Variants in DDX60L observed in about 807,000 individuals in gnomAD.
DDX60L encodes the protein DExD/H-box 60 like.
DDX60L carries 191 observed loss-of-function variants against 211.6 expected under a neutral mutation model. The ratio of observed to expected loss-of-function variants is 0.90; its 90% CI spans 0.80 to 1.02. The LOEUF is 1.02. DDX60L is among the 50% of genes least tolerant of loss of function. The pLI is 0.00. For missense variants in DDX60L, 2,007 were observed against 1,984.1 expected, an observed-to-expected ratio of 1.01 and a Z score of -0.22; for synonymous variants, 706 against 694.1, an observed-to-expected ratio of 1.02 and a Z score of -0.27.
At chr4:168,409,106 C>A (rs1322016932) in intron 22 of DDX60L, among the ~76,000 whole-genome samples, 1 of 152,164 alleles carries the variant, frequency 6.6e-6, no homozygotes, top group East Asian at 1.9e-4. Flanking sequence ...TAAATGCACA[C>A]CTCACAAATT....
intron 22 of DDX60L, among the ~76,000 whole-genome samples, chr4:168,407,407 T>C (rs1747934640): frequency 2.0e-5 from 3 of 152,216 alleles, no homozygotes; most frequent in Admixed American, 6.5e-5. Context: ...CCTGTCCTCA[T>C]AGCCTTTGTG....
chr4:168,382,192 ATC>A (rs1743085497), intron 30 of DDX60L, among the ~76,000 whole-genome samples: 1 of 152,178 alleles, frequency 6.6e-6, no homozygotes, highest in Non-Finnish European at 1.5e-5. Context: ...ATGGGGTTAC[ATC>A]CCCCAAAATT....
At chr4:168,422,031 C>G in intron 16 of DDX60L, 122 bp from the exon 17 acceptor site, 1 of 1,204,088 alleles carries the variant, frequency 8.3e-7, no homozygotes, top group Non-Finnish European at 1.2e-6. Context: ...GGGGAACTCC[C>G]TGAACCCCTG....
chr4:168,422,041 G>A, intron 16 of DDX60L, 132 bp from the exon 17 acceptor site: 2 of 1,096,132 alleles, frequency 1.8e-6, no homozygotes, highest in Non-Finnish European at 2.6e-6. Context: ...CTGAACCCCT[G>A]AAGATTAGGT....
In DDX60L at chr4:168,403,981, C is replaced by CA. The variant is rs757771764; in HGVS notation, c.3338dup (p.Leu1113PhefsTer3). ...AGATAAATTAAGTTTCAGTTACTTACAAAAAAAATATTGCAGGCAACTTAT... is the reference window on the plus strand; with the variant it reads ...AGATAAATTAAGTTTCAGTTACTTACAAAAAAAAATATTGCAGGCAACTTAT... On this transcript the variant is annotated frameshift_variant and splice_region_variant. Coordinates refer to ENST00000682922, the MANE Select transcript of DDX60L (RefSeq NM_001012967.3). LOFTEE classifies it high-confidence loss of function. 1.3e-4 allele frequency: 181 copies of CA among 1,441,006 alleles called. No homozygotes were observed. The highest frequency in any genetic ancestry group is 2.6e-4 in the South Asian group (17 of 66,652). The allele number at this position is 1,441,006 out of a possible 1,614,324, so 89.3% of individuals were successfully genotyped here.
chr4:168,357,878 A>G lies in DDX60L; in HGVS notation c.*269T>C. On this transcript the variant is annotated 3_prime_UTR_variant, in exon 38 of 38. Coordinates refer to ENST00000682922, the MANE Select transcript of DDX60L (RefSeq NM_001012967.3). ...GTTCATTAAGTCACCACCCAATCCC[A>G]ATCACTTTTCTTACATTATCTCATT... is the stretch of plus-strand genomic sequence containing the variant. 1 of 285,482 alleles carries G rather than the reference A, an allele frequency of 3.5e-6. No homozygotes were observed. Among genetic ancestry groups the G allele is most frequent in the Non-Finnish European group, 6.5e-6 (1 of 153,734 alleles). 17.7% of individuals were successfully genotyped at this position (285,482 alleles called of 1,614,324 possible).
At chr4:168,362,803 G>A (rs1472750108) in intron 36 of DDX60L, among the ~76,000 whole-genome samples, 1 of 152,146 alleles carries the variant, frequency 6.6e-6, no homozygotes, top group African/African-American at 2.4e-5. Flanking sequence ...AAGGAATTAA[G>A]AAACCATATA....
intron 22 of DDX60L, among the ~76,000 whole-genome samples, chr4:168,411,332 C>T (rs1025546478): frequency 2.6e-5 from 4 of 152,214 alleles, no homozygotes; most frequent in Admixed American, 6.5e-5. Context: ...GCAGGAAAGA[C>T]AGTGTCGACC....
intron 22 of DDX60L, among the ~76,000 whole-genome samples, chr4:168,414,384 T>C (rs1224632076): frequency 2.0e-5 from 3 of 151,932 alleles, no homozygotes; most frequent in Non-Finnish European, 2.9e-5. Flanking sequence ...AATGAACCTA[T>C]CACAAATTAC....
At chr4:168,401,785 G>A (rs1306986695) in intron 25 of DDX60L, among the ~76,000 whole-genome samples, 1 of 152,186 alleles carries the variant, frequency 6.6e-6, no homozygotes, top group Non-Finnish European at 1.5e-5. Context: ...ACTTCGAAAA[G>A]AAATCCTATT....
At position 168,432,452 on chromosome 4, in the gene DDX60L, C is replaced by A; in HGVS notation, c.1516+3G>T. 4 of 1,542,008 alleles carry A rather than the reference C, an allele frequency of 2.6e-6. No homozygotes were observed. Among genetic ancestry groups the A allele is most frequent in the South Asian group, 2.5e-5 (2 of 80,104 alleles). ...TCTATTTTATCGTGGTTACAGAGCT[C>A]ACCATCAACATGACATTTGATCCTG... On this transcript the variant is annotated splice_donor_region_variant and intron_variant, in intron 12 of 37. Coordinates refer to ENST00000682922, the MANE Select transcript of DDX60L (RefSeq NM_001012967.3).
chr4:168,368,379 C>G (rs1740363376), intron 36 of DDX60L, among the ~76,000 whole-genome samples: 1 of 152,214 alleles, frequency 6.6e-6, no homozygotes, highest in African/African-American at 2.4e-5. Context: ...TGCAGGTGCA[C>G]AGAAGTCAAT....
chr4:168,379,820 A>G lies in DDX60L; in HGVS notation c.4127T>C (p.Val1376Ala). ...PEDAKAKVLS[V>A]LKHSLLSFKR... ...AAAAGACAGCAATGAATGCTTTAGC[A>G]CTGACAACACCTATAAAAGAAGAGT... The change falls in exon 31 of 38, where the codon GTG (valine) becomes GCG (alanine). Residue 1376 changes from valine to alanine, a missense_variant. By Grantham distance (64) the Val-to-Ala change is moderately conservative. Coordinates refer to ENST00000682922, the MANE Select transcript of DDX60L (RefSeq NM_001012967.3). The G allele has an allele frequency of 1.9e-6, 3 of 1,607,532 alleles. No individual in the cohort carries two copies. Among genetic ancestry groups the G allele is most frequent in the Non-Finnish European group, 2.6e-6 (3 of 1,176,366 alleles).
chr4:168,395,796 C>T (rs960002959), intron 27 of DDX60L, 163 bp downstream of exon 27: 1 of 582,848 alleles, frequency 1.7e-6, no homozygotes, highest in Non-Finnish European at 3.0e-6. Context: ...AACTTTAGCA[C>T]ATTAAATTGG....
At chr4:168,437,349 T>C (rs1579637912) in intron 10 of DDX60L, among the ~76,000 whole-genome samples, 2 of 152,070 alleles carry the variant, frequency 1.3e-5, no homozygotes, top group East Asian at 3.9e-4. Flanking sequence ...AGGAGAACAC[T>C]ATGTAAAGGT....
At chr4:168,373,553 C>A in intron 35 of DDX60L, 113 bp downstream of exon 35, 2 of 1,046,510 alleles carry the variant, frequency 1.9e-6, no homozygotes, top group South Asian at 3.0e-5. Context: ...TGATGCTCAT[C>A]AGTGGACATT....
intron 34 of DDX60L, among the ~76,000 whole-genome samples, chr4:168,374,179 C>A (rs1741526541): frequency 2.0e-5 from 3 of 151,716 alleles, no homozygotes; most frequent in Admixed American, 2.0e-4. Context: ...TGGAAGGCAC[C>A]AAGTCATGCA....
chr4:168,462,108 G>A (rs1170537724), intron 4 of DDX60L, 68 bp from the exon 5 acceptor site: 40 of 1,205,650 alleles, frequency 3.3e-5, no homozygotes, highest in Non-Finnish European at 3.2e-5. Context: ...TAATTTTGTT[G>A]CTTACAGCAC....
chr4:168,391,539 C>T lies in DDX60L; in HGVS notation c.3915+1G>A, dbSNP rs1744815038. 1 of 1,579,082 alleles carries T rather than the reference C, an allele frequency of 6.3e-7. No homozygotes were observed. On this transcript the variant is annotated splice_donor_variant, in intron 29 of 37. Coordinates refer to ENST00000682922, the MANE Select transcript of DDX60L (RefSeq NM_001012967.3). LOFTEE classifies it high-confidence loss of function. Reference sequence around the variant, plus strand: ...TGGGAGTTAAAGAGTCAGAGAGTTACCTGTCTGTAATTTAAAGCATCCAGA... The same window carrying T: ...TGGGAGTTAAAGAGTCAGAGAGTTATCTGTCTGTAATTTAAAGCATCCAGA...
Sources: allele counts gnomAD v4.1 joint callset (sites outside exome capture counted in the v4.1 genomes callset), GRCh38; gene constraint gnomAD v4.1.1; transcripts MANE v1.5; gene names NCBI Gene and HGNC (gene_info 2026-07-23, HGNC 2026-07-21).